The following TENM2 variants were observed in gnomAD, a reference collection of about 807,000 sequenced individuals.
TENM2 encodes the protein teneurin-2.
A neutral mutation model predicts 245.2 loss-of-function variants in TENM2; 52 were observed. The ratio of observed to expected loss-of-function variants is 0.21; its 90% CI spans 0.17 to 0.27. TENM2 has a LOEUF of 0.27. Among genes scored for constraint, TENM2 ranks in the 10% least tolerant of loss-of-function variants. TENM2 has a pLI of 1.00. For synonymous variants in TENM2, 1,363 were observed against 1,438.9 expected (o/e 0.95, Z 1.19); for missense variants, 3,046 against 3,666.8 (o/e 0.83, Z 4.37).
Position 167,836,055 on chromosome 5 carries a change from TG to T in TENM2, c.503-39926del, listed in dbSNP as rs370819091. Among the ~76,000 whole-genome samples the T allele has an allele frequency of 5.7e-3, 866 of 152,204 alleles. 6 individuals carry two copies. The highest frequency in any genetic ancestry group is 0.028 in the East Asian group (147 of 5,176). On this transcript the variant is annotated intron_variant, in intron 2 of 28. Coordinates refer to ENST00000518659, the Ensembl canonical transcript of TENM2. ...AAGAATATACCTTTTTTAAAACTGG[TG>T]GGGGAGAAGGAAGAAAGAGTTACTT...
chr5:167,884,009 T>C (rs1774086908), intron 3 of TENM2, among the ~76,000 whole-genome samples: 2 of 152,200 alleles, frequency 1.3e-5, no homozygotes, highest in Non-Finnish European at 2.9e-5. Context: ...CTACATGCTT[T>C]CAAATGATAG....
intron 2 of TENM2, among the ~76,000 whole-genome samples, chr5:167,616,054 C>T (rs920081891): frequency 2.6e-5 from 4 of 152,022 alleles, no homozygotes; most frequent in Non-Finnish European, 4.4e-5. Context: ...TTTTGGTGCC[C>T]ATTTGGGTAT....
intron 1 of TENM2, among the ~76,000 whole-genome samples, chr5:167,360,903 T>C (rs11134458): frequency 0.96 from 145,961 of 152,280 alleles, 69,999 homozygotes; most frequent in African/African-American, 0.98. Flanking sequence ...TACAATATTC[T>C]TAACCACAGA....
chr5:167,201,425 G>A, the TENM2 span, among the ~76,000 whole-genome samples: 7 of 152,268 alleles, frequency 4.6e-5, no homozygotes, highest in South Asian at 1.2e-3. Context: ...AGAAAATAGA[G>A]AAGTTCCAGT....
intron 5 of TENM2, among the ~76,000 whole-genome samples, chr5:168,033,888 G>A (rs1167266796): frequency 6.6e-6 from 1 of 151,842 alleles, no homozygotes; most frequent in African/African-American, 2.4e-5. Flanking sequence ...TTAGCCAGGT[G>A]TGGTTGTGGG....
At chr5:167,455,579 G>A (rs1765869170) in intron 2 of TENM2, among the ~76,000 whole-genome samples, 1 of 150,414 alleles carries the variant, frequency 6.6e-6, no homozygotes, top group Non-Finnish European at 1.5e-5. Flanking sequence ...GTAATTCACT[G>A]TTGCTTTTAA....
chr5:167,849,487 C>T (rs1401540849), intron 2 of TENM2, among the ~76,000 whole-genome samples: 1 of 152,152 alleles, frequency 6.6e-6, no homozygotes, highest in Non-Finnish European at 1.5e-5. Flanking sequence ...CCACCAGCAA[C>T]CAATCAGTTC....
the TENM2 span, among the ~76,000 whole-genome samples, chr5:167,196,281 T>G: frequency 2.6e-5 from 4 of 151,914 alleles, no homozygotes; most frequent in Non-Finnish European, 1.5e-5. Context: ...TAAAGAATTA[T>G]AGTATTATGG....
intron 2 of TENM2, among the ~76,000 whole-genome samples, chr5:167,654,852 C>T (rs937009793): frequency 7.2e-5 from 11 of 152,026 alleles, no homozygotes; most frequent in African/African-American, 2.7e-4. Flanking sequence ...TTATCTAGGT[C>T]AATCTAGTGA....
intron 2 of TENM2, among the ~76,000 whole-genome samples, chr5:167,575,878 T>C (rs751541789): frequency 6.6e-6 from 1 of 152,192 alleles, no homozygotes; most frequent in Non-Finnish European, 1.5e-5. Context: ...TCAAATTCAA[T>C]CTCGTTTTTT....
At chr5:167,007,683 G>GC in the TENM2 span, among the ~76,000 whole-genome samples, 3 of 152,062 alleles carry the variant, frequency 2.0e-5, no homozygotes, top group South Asian at 4.2e-4. The surrounding 1 kb of genome is among the most constrained non-coding windows in gnomAD (Gnocchi z 4.2). Context: ...TGTCTAACAG[G>GC]CCCCCCACTA....
At chr5:167,670,062 T>G (rs1755833835) in intron 2 of TENM2, among the ~76,000 whole-genome samples, 1 of 152,138 alleles carries the variant, frequency 6.6e-6, no homozygotes, top group African/African-American at 2.4e-5. Flanking sequence ...TGACATTATT[T>G]TTTAAGTATC....
chr5:167,150,987 A>C, the TENM2 span, among the ~76,000 whole-genome samples: 2 of 152,190 alleles, frequency 1.3e-5, no homozygotes, highest in Non-Finnish European at 2.9e-5. Context: ...CTTCACAAGA[A>C]CTCAGGGTAT....
At chr5:167,358,709 C>T (rs1206186320) in intron 1 of TENM2, among the ~76,000 whole-genome samples, 1 of 151,344 alleles carries the variant, frequency 6.6e-6, no homozygotes, top group Non-Finnish European at 1.5e-5. Flanking sequence ...TATATCAGAC[C>T]TGTCTCATAT....
chr5:167,657,199 A>G (rs1024206643), intron 2 of TENM2, among the ~76,000 whole-genome samples: 6 of 151,622 alleles, frequency 4.0e-5, no homozygotes, highest in African/African-American at 4.8e-5. Context: ...TTTGTTTTTT[A>G]TCTTTCACAT....
At chr5:167,498,002 A>G (rs1158599132) in intron 2 of TENM2, among the ~76,000 whole-genome samples, 32 of 152,110 alleles carry the variant, frequency 2.1e-4, no homozygotes, top group Admixed American at 2.1e-3. Flanking sequence ...TAATCGCCTC[A>G]GAATTATGTC....
At chr5:167,771,980 G>T (rs1763432489) in intron 2 of TENM2, among the ~76,000 whole-genome samples, 1 of 152,052 alleles carries the variant, frequency 6.6e-6, no homozygotes, top group African/African-American at 2.4e-5. Context: ...TAAATATGGT[G>T]GCCATACAGT....
the TENM2 span, among the ~76,000 whole-genome samples, chr5:167,153,493 C>T: frequency 2.6e-5 from 4 of 151,826 alleles, no homozygotes; most frequent in African/African-American, 7.3e-5. Flanking sequence ...CTTGCTGTCT[C>T]AGGGGTGGAA....
chr5:168,009,621 A>G (rs1437793063), intron 5 of TENM2, among the ~76,000 whole-genome samples: 1 of 152,206 alleles, frequency 6.6e-6, no homozygotes, highest in Admixed American at 6.5e-5. Context: ...TAAAGCATCA[A>G]ATAGCATGCT....
Sources: allele counts gnomAD v4.1 joint callset (sites outside exome capture counted in the v4.1 genomes callset), GRCh38; gene constraint gnomAD v4.1.1; non-coding constraint Gnocchi (gnomAD v3.1); transcripts MANE v1.5; gene names NCBI Gene and HGNC (gene_info 2026-07-23, HGNC 2026-07-21).